Variants in BAP1 observed in about 807,000 individuals in gnomAD.
BAP1 encodes BRCA1 associated deubiquitinase 1.
BAP1 carries 16 observed loss-of-function variants against 77.2 expected under a neutral mutation model. That is an observed-to-expected ratio of 0.21 (90% CI 0.14 to 0.31). The LOEUF (loss-of-function observed/expected upper bound fraction) is 0.31, where lower values mean the gene tolerates loss of function less well. Ranked by LOEUF, BAP1 falls within the 10% of genes least tolerant of loss-of-function variation. The pLI is 1.00. For missense variants in BAP1, 699 were observed against 967.3 expected (o/e 0.72, Z 3.68); for synonymous variants, 362 against 385.2 (o/e 0.94, Z 0.71).
rs1337158991 is a variant in BAP1 at position 52,407,429 on chromosome 3, T to G, written c.407A>C (p.Glu136Ala). 4.3e-6 allele frequency: 7 copies of G among 1,614,142 alleles called. No homozygotes were observed. Among genetic ancestry groups the G allele is most frequent in the Non-Finnish European group, 5.9e-6 (7 of 1,180,024 alleles). The change falls in exon 6 of 17, where the codon GAG becomes GCG. Residue 136 changes from glutamate (E) to alanine (A), a missense_variant. Around this residue, in one of 3 missense-constraint regions of BAP1, gnomAD observed 160 missense variants for 322.8 expected, o/e 0.50. Coordinates refer to ENST00000460680, the MANE Select transcript of BAP1 (RefSeq NM_004656.4). ...SKGYAIGNAP[E>A]LAKAHNSHAR... The stretch of plus-strand genomic sequence containing the variant: ...ATGGCTATTATGGGCCTTGGCCAAC[T>G]CCGGGGCATTGCCAATCGCATATCC...
At position 52,405,838 on chromosome 3, in the gene BAP1, C is replaced by T. The variant is rs770969452; in HGVS notation, c.858G>A (p.Lys286=). ...SQESQLPEES[K]SASNKSPLVL... is the part of the protein sequence containing the mutation. The stretch of plus-strand genomic sequence containing the variant: ...CCAGCGGGGACTTGTTGCTGGCTGA[C>T]TTGGACTCCTCAGGCAGCTGTGACT... The change falls in exon 10 of 17, where the codon AAG becomes AAA. Residue 286 remains lysine, a synonymous_variant. Coordinates refer to ENST00000460680, the MANE Select transcript of BAP1 (RefSeq NM_004656.4). The T allele has an allele frequency of 6.2e-7, 1 of 1,614,128 alleles. No individual in the cohort carries two copies. Among genetic ancestry groups the T allele is most frequent in the East Asian group, 2.2e-5 (1 of 44,886 alleles).
chr3:52,405,184 G>A lies in BAP1; in HGVS notation c.1042C>T (p.Pro348Ser), dbSNP rs1250297448. Residue 348 changes from proline to serine, a missense_variant, in exon 11 of 17, where the codon CCC becomes TCC. Pro to Ser is a moderately conservative substitution (Grantham distance 74). Transcript: ENST00000460680. ...PPGSSLNGVH[P>S]NPTPIVQRLP... ...CGCTGGACAATGGGAGTGGGGTTGG[G>A]GTGAACCCCATTGAGGCTGCTGCCT... The A allele has an allele frequency of 1.2e-6, 2 of 1,614,118 alleles. No individual in the cohort carries two copies. The highest frequency in any genetic ancestry group is 1.7e-6 in the Non-Finnish European group (2 of 1,180,030).
chr3:52,406,702 A>G lies in BAP1; in HGVS notation c.659+127T>C. On this transcript the variant is annotated intron_variant, in intron 8 of 16. Transcript: ENST00000460680. The surrounding 1 kb of genome is among the most constrained non-coding windows in gnomAD (Gnocchi z 4.6). ...TAAGACAACAAGTTGAGAACCCATG[A>G]TCTAAGCCTGATCTTGCCAGATTCA... 8.5e-7 allele frequency: 1 copy of G among 1,175,350 alleles called. No homozygotes were observed. The highest frequency in any genetic ancestry group is 1.2e-6 in the Non-Finnish European group (1 of 813,380). 72.8% of individuals were successfully genotyped at this position (1,175,350 alleles called of 1,614,324 possible). A position where few individuals can be genotyped will look rare whatever the true frequency, so the allele number is the denominator to read the frequency against.
In BAP1 at chr3:52,402,995, C is replaced by G; in HGVS notation, c.1891-124G>C. 6.3e-7 allele frequency: 1 copy of G among 1,597,814 alleles called. No individual in the cohort carries two copies. Among genetic ancestry groups the G allele is most frequent in the Non-Finnish European group, 8.5e-7 (1 of 1,176,862 alleles). ...GCCTATCAAGGCCCCTGCCACCACC[C>G]AACCCAGAAAGTCTTCTGGCACATG... On this transcript the variant is annotated intron_variant, in intron 14 of 16. Coordinates refer to ENST00000460680, the MANE Select transcript of BAP1 (RefSeq NM_004656.4). This position sits in a 1 kb window ranked among gnomAD's most constrained non-coding sequence, Gnocchi z 5.3.
intron 2 of BAP1, 28 bp downstream of exon 2, chr3:52,409,686 C>A (rs761998353): frequency 1.2e-6 from 2 of 1,614,166 alleles, no homozygotes; most frequent in South Asian, 2.2e-5. Context: ...GCCACAGCCC[C>A]GGTCCGGCAG....
At chr3:52,407,050 C>T (rs1705187226) in intron 7 of BAP1, 124 bp downstream of exon 7, 6 of 1,537,006 alleles carry the variant, frequency 3.9e-6, no homozygotes, top group Non-Finnish European at 5.3e-6. Context: ...GAAACCCCAG[C>T]CAGAGCCGGG....
Position 52,406,454 on chromosome 3 carries a change from G to T in BAP1, c.660-78C>A. ...AGGTTGAGGCAGATATCCTGGCAGG[G>T]CTCCCTGCAGTCACACCTGCAGCTG... On this transcript the variant is annotated intron_variant, in intron 8 of 16. Transcript: ENST00000460680. The surrounding 1 kb of genome is among the most constrained non-coding windows in gnomAD (Gnocchi z 4.6). 1.3e-6 allele frequency: 2 copies of T among 1,596,252 alleles called. No individual in the cohort carries two copies. The highest frequency in any genetic ancestry group is 8.5e-7 in the Non-Finnish European group (1 of 1,176,652).
chr3:52,408,017 C>T lies in BAP1; in HGVS notation c.316G>A (p.Val106Met), dbSNP rs754385495. The change falls in exon 5 of 17, where the codon GTG becomes ATG. Residue 106 changes from valine (V) to methionine (M), a missense_variant. Val to Met is a conservative substitution (Grantham distance 21). Coordinates refer to ENST00000460680, the MANE Select transcript of BAP1 (RefSeq NM_004656.4). ...LLSVLLNCSS[V>M]DLGPTLSRMK... ...CGACTCAGGGTGGGTCCCAGGTCCA[C>T]GCTGCTGCAGTTCAGGAGCACGCTC... is the stretch of plus-strand genomic sequence containing the variant. 6.2e-6 allele frequency: 10 copies of T among 1,613,694 alleles called. No homozygotes were observed. The highest frequency in any genetic ancestry group is 4.0e-5 in the African/African-American group (3 of 74,912).
rs1037276067 is a variant in BAP1, at chr3:52,401,338, A to G, written c.*950T>C. ...TGAGTGCCTTGCAGAGGCTGAGGAA[A>G]CTGGAGTAGCAGGAAGAGCTGAGTG... On this transcript the variant is annotated 3_prime_UTR_variant, in exon 17 of 17. Transcript: ENST00000460680. 1.7e-5 allele frequency: 4 copies of G among 233,302 alleles called. No homozygotes were observed. Among genetic ancestry groups the G allele is most frequent in the African/African-American group, 8.8e-5 (4 of 45,338 alleles). The allele number at this position is 233,302 out of a possible 1,614,324, so 14.5% of individuals were successfully genotyped here. A position where few individuals can be genotyped will look rare whatever the true frequency, so the allele number is the denominator to read the frequency against.
rs2153226821 is a variant in BAP1, at chr3:52,404,450, G to A, written c.1250+3C>T. On this transcript the variant is annotated splice_donor_region_variant and intron_variant, in intron 12 of 16. Coordinates refer to ENST00000460680, the MANE Select transcript of BAP1 (RefSeq NM_004656.4). ...CCTGGTAGCCTTAGAAAGCTGGGCTGACCTAAGGGCAGAGTTGGTGTTCTG... is the reference window on the plus strand; with the variant it reads ...CCTGGTAGCCTTAGAAAGCTGGGCTAACCTAAGGGCAGAGTTGGTGTTCTG... 1 of 1,614,242 alleles carries A rather than the reference G, an allele frequency of 6.2e-7. No individual in the cohort carries two copies. The highest frequency in any genetic ancestry group is 8.5e-7 in the Non-Finnish European group (1 of 1,180,048).
rs1705170654 is a variant in BAP1, at chr3:52,406,750, A to G, written c.659+79T>C. 6.8e-7 allele frequency: 1 copy of G among 1,470,932 alleles called. No homozygotes were observed. 91.1% of individuals were successfully genotyped at this position (1,470,932 alleles called of 1,614,324 possible). A position where few individuals can be genotyped will look rare whatever the true frequency, so the allele number is the denominator to read the frequency against. On this transcript the variant is annotated intron_variant, in intron 8 of 16. Transcript: ENST00000460680. The surrounding 1 kb of genome is among the most constrained non-coding windows in gnomAD (Gnocchi z 4.6). ...TCACCATATGGCCTTGCAATTTACAAATCACCTGGATACTCTCTGTCCCTC... is the reference window on the plus strand; with the variant it reads ...TCACCATATGGCCTTGCAATTTACAGATCACCTGGATACTCTCTGTCCCTC...
In BAP1 at chr3:52,404,975, C is replaced by T. The variant is rs1705102264; in HGVS notation, c.1116+135G>A. ...GGCCTTTTCATATCAGGCAGAGGAA[C>T]CTAGCAACCCAGGCCCAGGCAGCTT... On this transcript the variant is annotated intron_variant, in intron 11 of 16. Transcript: ENST00000460680. The T allele has an allele frequency of 8.2e-6, 10 of 1,214,942 alleles. No individual in the cohort carries two copies. The South Asian group carries it at 1.3e-4, about 15-fold the overall frequency. 75.3% of individuals were successfully genotyped at this position (1,214,942 alleles called of 1,614,324 possible).
In BAP1 at chr3:52,406,501, C is replaced by T. The variant is rs1405883983; in HGVS notation, c.660-125G>A. The T allele has an allele frequency of 2.1e-6, 3 of 1,455,146 alleles. No individual in the cohort carries two copies. Among genetic ancestry groups the T allele is most frequent in the Non-Finnish European group, 2.8e-6 (3 of 1,069,074 alleles). The allele number at this position is 1,455,146 out of a possible 1,614,324, so 90.1% of individuals were successfully genotyped here. On this transcript the variant is annotated intron_variant, in intron 8 of 16. Coordinates refer to ENST00000460680, the MANE Select transcript of BAP1 (RefSeq NM_004656.4). This position sits in a 1 kb window ranked among gnomAD's most constrained non-coding sequence, Gnocchi z 4.6. ...GCTGTAGGTATAGGCCCCACCCCAACAGGCAGGCAGCGACTAGCCATACAT... is the reference window on the plus strand; with the variant it reads ...GCTGTAGGTATAGGCCCCACCCCAATAGGCAGGCAGCGACTAGCCATACAT...
Position 52,402,535 on chromosome 3 carries a change from G to A in BAP1, c.2056+67C>T, listed in dbSNP as rs1578218522. ...TGCTCAAGCCTCAGGAGAGGCCAGG[G>A]GAGGGGAGCTGAAGGACACGGCCCT... On this transcript the variant is annotated intron_variant, in intron 16 of 16. Transcript: ENST00000460680. The surrounding 1 kb of genome is among the most constrained non-coding windows in gnomAD (Gnocchi z 5.3). 1 of 1,612,416 alleles carries A rather than the reference G, an allele frequency of 6.2e-7. No individual in the cohort carries two copies. Among genetic ancestry groups the A allele is most frequent in the Non-Finnish European group, 8.5e-7 (1 of 1,178,664 alleles).
intron 3 of BAP1, 122 bp from the exon 4 acceptor site, chr3:52,408,728 C>T (rs943570576): frequency 1.6e-6 from 2 of 1,279,982 alleles, no homozygotes; most frequent in Non-Finnish European, 2.2e-6. Flanking sequence ...TGTGATCCCC[C>T]CTCTCCCCTG....
At position 52,402,365 on chromosome 3, in the gene BAP1, T is replaced by C; in HGVS notation, c.2113A>G (p.Ser705Gly). 1 of 1,580,182 alleles carries C rather than the reference T, an allele frequency of 6.3e-7. No individual in the cohort carries two copies. The highest frequency in any genetic ancestry group is 8.6e-7 in the Non-Finnish European group (1 of 1,164,354). The change falls in exon 17 of 17, where the codon AGC (serine) becomes GGC (glycine). Residue 705 changes from serine to glycine, a missense_variant. Physicochemically the swap from Ser to Gly is moderately conservative, Grantham distance 56. Coordinates refer to ENST00000460680, the MANE Select transcript of BAP1 (RefSeq NM_004656.4). This position sits in a 1 kb window ranked among gnomAD's most constrained non-coding sequence, Gnocchi z 5.3. ...CGCTGCTTGTGGAGCCGGCCGATGC[T>C]GACCCCTTGGCGCCGCCGCACGGAG... ...NISVRRRQGVSIGRLHKQRKP... is the reference protein window; with the variant it reads ...NISVRRRQGVGIGRLHKQRKP...
At chr3:52,409,287 C>T (rs1244724633) in intron 3 of BAP1, among the ~76,000 whole-genome samples, 1 of 152,174 alleles carries the variant, frequency 6.6e-6, no homozygotes, top group African/African-American at 2.4e-5. Context: ...GGGGTCTTCC[C>T]GCTGCAAGGC....
At position 52,409,973 on chromosome 3, in the gene BAP1, T is replaced by A; in HGVS notation, c.-95A>T. On this transcript the variant is annotated 5_prime_UTR_variant, in exon 1 of 17. Transcript: ENST00000460680. Reference sequence around the variant, plus strand: ...CCCCACCGCCCCCGGGGCCCCTCAGTCCCACACACAGACAACGGGCCCAGT... The same window carrying A: ...CCCCACCGCCCCCGGGGCCCCTCAGACCCACACACAGACAACGGGCCCAGT... 5 of 1,521,724 alleles carry A rather than the reference T, an allele frequency of 3.3e-6. No individual in the cohort carries two copies. Among genetic ancestry groups the A allele is most frequent in the Non-Finnish European group, 4.4e-6 (5 of 1,133,526 alleles). 94.3% of individuals were successfully genotyped at this position (1,521,724 alleles called of 1,614,324 possible). A position where few individuals can be genotyped will look rare whatever the true frequency, so the allele number is the denominator to read the frequency against.
Position 52,406,453 on chromosome 3 carries a change from G to A in BAP1, c.660-77C>T, listed in dbSNP as rs1229366095. The A allele has an allele frequency of 6.3e-7, 1 of 1,598,480 alleles. No individual in the cohort carries two copies. The highest frequency in any genetic ancestry group is 2.2e-5 in the East Asian group (1 of 44,766). ...CAGGTTGAGGCAGATATCCTGGCAG[G>A]GCTCCCTGCAGTCACACCTGCAGCT... On this transcript the variant is annotated intron_variant, in intron 8 of 16. Transcript: ENST00000460680. This position sits in a 1 kb window ranked among gnomAD's most constrained non-coding sequence, Gnocchi z 4.6.
Sources: gnomAD v4.1 joint callset for allele counts (sites outside exome capture counted in the v4.1 genomes callset) on GRCh38, gnomAD v4.1.1 for gene constraint, gnomAD v4.1.1 regional missense constraint, Gnocchi (gnomAD v3.1) non-coding constraint, MANE v1.5 for transcripts, NCBI Gene and HGNC (gene_info 2026-07-23, HGNC 2026-07-21) for gene names.